The following LRTM1 variants were observed in gnomAD, a reference collection of about 807,000 sequenced individuals.
LRTM1 encodes leucine rich repeat transmembrane protein 1.
In LRTM1, 38 loss-of-function variants were observed where a neutral mutation model predicts 32.4. The observed-to-expected ratio is 1.17, with a 90% confidence interval of 0.91 to 1.54. LRTM1 has a LOEUF of 1.54. Ranked by LOEUF, LRTM1 falls within the 40% of genes most tolerant of loss-of-function variation. The probability of loss-of-function intolerance (pLI) is 0.00; values close to 1 mark genes in which losing one functional copy is unlikely to be tolerated. For synonymous variants in LRTM1, 186 were observed against 169.9 expected, an observed-to-expected ratio of 1.09 and a Z score of -0.74; for missense variants, 466 against 415.4, an observed-to-expected ratio of 1.12 and a Z score of -1.06.
chr3:54,959,157 A>G (rs1409697695), intron 1 of LRTM1, among the ~76,000 whole-genome samples: 1 of 152,200 alleles, frequency 6.6e-6, no homozygotes, highest in Non-Finnish European at 1.5e-5. Flanking sequence ...TTTTCAAATG[A>G]ACTGTCTGTA....
intron 1 of LRTM1, among the ~76,000 whole-genome samples, chr3:54,951,251 A>G (rs1441923234): frequency 1.3e-5 from 2 of 152,220 alleles, no homozygotes; most frequent in African/African-American, 2.4e-5. Flanking sequence ...AGTGGCCACT[A>G]TGTAGACATC....
chr3:54,943,725 A>G (rs1312708483), intron 1 of LRTM1, among the ~76,000 whole-genome samples: 3 of 151,250 alleles, frequency 2.0e-5, no homozygotes, highest in Admixed American at 6.6e-5. Context: ...TGCCTATTTC[A>G]TCTTGCTTTG....
chr3:54,947,050 T>G (rs1004908120), intron 1 of LRTM1, among the ~76,000 whole-genome samples: 4 of 152,178 alleles, frequency 2.6e-5, no homozygotes, highest in African/African-American at 9.7e-5. Flanking sequence ...TGGAACCCCA[T>G]AATGAAAGTG....
intron 2 of LRTM1, 48 bp downstream of exon 2, chr3:54,924,571 C>G: frequency 6.9e-7 from 1 of 1,442,304 alleles, no homozygotes. Flanking sequence ...GAGATTCATC[C>G]TAGGCTGGTA....
chr3:54,937,279 T>G (rs1387157660), intron 1 of LRTM1, among the ~76,000 whole-genome samples: 1 of 152,174 alleles, frequency 6.6e-6, no homozygotes, highest in Non-Finnish European at 1.5e-5. Flanking sequence ...AAGACACAGC[T>G]CAATGAATGG....
chr3:54,926,079 A>C (rs550920950), intron 1 of LRTM1, among the ~76,000 whole-genome samples: 22 of 152,266 alleles, frequency 1.4e-4, no homozygotes, highest in African/African-American at 4.8e-4. Flanking sequence ...AGTTGAACTT[A>C]CTTTGATTCA....
At chr3:54,953,562 C>T (rs1196864790) in intron 1 of LRTM1, among the ~76,000 whole-genome samples, 3 of 152,156 alleles carry the variant, frequency 2.0e-5, no homozygotes. Context: ...CTCAGGAGAC[C>T]TTATTCTCTC....
Position 54,927,921 on chromosome 3 carries a change from T to G in LRTM1, c.-10A>C. 6.2e-7 allele frequency: 1 copy of G among 1,613,638 alleles called. No homozygotes were observed. ...AGGGCTCACCTTTCATGACTGAGTCTCCTTGGGCGTCCTTGCTGACCTCGT... is the reference window on the plus strand; with the variant it reads ...AGGGCTCACCTTTCATGACTGAGTCGCCTTGGGCGTCCTTGCTGACCTCGT... On this transcript the variant is annotated 5_prime_UTR_variant, in exon 1 of 3. Coordinates refer to ENST00000273286, the MANE Select transcript of LRTM1 (RefSeq NM_020678.4).
chr3:54,941,342 A>T (rs1701461170), intron 1 of LRTM1, among the ~76,000 whole-genome samples: 1 of 152,194 alleles, frequency 6.6e-6, no homozygotes, highest in African/African-American at 2.4e-5. Flanking sequence ...AATGAAAAAG[A>T]ATCTCAGTTA....
rs564704010 is a variant in LRTM1 at position 54,926,603 on chromosome 3, T to C, written c.7+1302A>G. Reference sequence around the variant, plus strand: ...AAATCCAGATAAATGTAATCATCAATATGTCTCATTCTGCAATTTGCTCTG... The same window carrying C: ...AAATCCAGATAAATGTAATCATCAACATGTCTCATTCTGCAATTTGCTCTG... On this transcript the variant is annotated intron_variant, in intron 1 of 2. Coordinates refer to ENST00000273286, the MANE Select transcript of LRTM1 (RefSeq NM_020678.4). Among the ~76,000 whole-genome samples the C allele has an allele frequency of 3.2e-3, 485 of 152,206 alleles. 2 individuals are homozygous for C. The highest frequency in any genetic ancestry group is 0.011 in the African/African-American group (459 of 41,534).
chr3:54,949,403 T>C (rs1414067405), intron 1 of LRTM1, among the ~76,000 whole-genome samples: 1 of 152,194 alleles, frequency 6.6e-6, no homozygotes, highest in Non-Finnish European at 1.5e-5. Context: ...CTGTCTATTA[T>C]TCCAGCTCAG....
At chr3:54,964,172 A>G (rs1702092239) in intron 1 of LRTM1, among the ~76,000 whole-genome samples, 1 of 152,204 alleles carries the variant, frequency 6.6e-6, no homozygotes, top group South Asian at 2.1e-4. Flanking sequence ...CACATGGGGA[A>G]GGATCCTATG....
rs1157915829 is a variant in LRTM1, at chr3:54,924,737, A to T, written c.486T>A (p.Asp162Glu). ...TGGGCATGGATTCCAGGAGCGCTCGATCAAGCTGCTGAAGCTGGTTTTGTT... is the reference window on the plus strand; with the variant it reads ...TGGGCATGGATTCCAGGAGCGCTCGTTCAAGCTGCTGAAGCTGGTTTTGTT... ...AVQQNQLQQL[D>E]RALLESMPSV... Residue 162 changes from aspartate (D) to glutamate (E), a missense_variant, in exon 2 of 3, where the codon GAT (aspartate) becomes GAA (glutamate). Transcript: ENST00000273286. 1 of 1,614,162 alleles carries T rather than the reference A, an allele frequency of 6.2e-7. No homozygotes were observed. The highest frequency in any genetic ancestry group is 8.5e-7 in the Non-Finnish European group (1 of 1,180,026).
intron 1 of LRTM1, among the ~76,000 whole-genome samples, chr3:54,948,969 C>G (rs148017517): frequency 1.3e-5 from 2 of 152,324 alleles, no homozygotes; most frequent in East Asian, 3.9e-4. Flanking sequence ...TTATAACCAG[C>G]TTCAGGTACA....
chr3:54,919,765 G>A (rs760310460), intron 2 of LRTM1, among the ~76,000 whole-genome samples: 12 of 152,202 alleles, frequency 7.9e-5, no homozygotes, highest in Non-Finnish European at 1.5e-4. Flanking sequence ...CCAACTTGAT[G>A]GTTTACAAAG....
intron 1 of LRTM1, among the ~76,000 whole-genome samples, chr3:54,956,043 G>GC (rs894859128): frequency 8.5e-5 from 13 of 152,152 alleles, no homozygotes; most frequent in African/African-American, 3.1e-4. Flanking sequence ...AGTGCCGTCC[G>GC]CCCCTCCTTA....
At chr3:54,955,107 G>A (rs1034120394) in intron 1 of LRTM1, among the ~76,000 whole-genome samples, 4 of 152,136 alleles carry the variant, frequency 2.6e-5, no homozygotes, top group African/African-American at 4.8e-5. Flanking sequence ...TCGAACGTAC[G>A]TAACATGGGG....
At position 54,925,198 on chromosome 3, in the gene LRTM1, A is replaced by G; in HGVS notation, c.25T>C (p.Ser9Pro). The G allele has an allele frequency of 1.9e-6, 3 of 1,612,046 alleles. No individual in the cohort carries two copies. Among genetic ancestry groups the G allele is most frequent in the Non-Finnish European group, 2.5e-6 (3 of 1,178,360 alleles). The change falls in exon 2 of 3, where the codon TCC (serine) becomes CCC (proline). Residue 9 changes from serine (S) to proline (P), a missense_variant. Transcript: ENST00000273286. MKGELLLF[S>P]SVIVLLQVVC... ...ACCTGGAGCAGGACAATCACACTGG[A>G]AAACAGGAGCAGTTCACCTACAACA... is the stretch of plus-strand genomic sequence containing the variant.
intron 2 of LRTM1, 52 bp downstream of exon 2, chr3:54,924,567 C>G (rs1700954886): frequency 1.4e-6 from 2 of 1,405,264 alleles, no homozygotes; most frequent in South Asian, 2.4e-5. Flanking sequence ...AGATGAGATT[C>G]ATCCTAGGCT....
Sources: gnomAD v4.1 joint callset for allele counts (sites outside exome capture counted in the v4.1 genomes callset) on GRCh38, gnomAD v4.1.1 for gene constraint, MANE v1.5 for transcripts, NCBI Gene and HGNC (gene_info 2026-07-23, HGNC 2026-07-21) for gene names.